Variants in MS4A4E observed in about 807,000 individuals in gnomAD.
The protein encoded by MS4A4E is membrane spanning 4-domains A4E, also known as putative membrane-spanning 4-domains subfamily A member 4E.
Under a neutral mutation model 13.3 loss-of-function variants are expected in MS4A4E, and 23 were observed. That is an observed-to-expected ratio of 1.73 (90% CI 1.25 to 2.45). The LOEUF (loss-of-function observed/expected upper bound fraction) is 2.45, where lower values mean the gene tolerates loss of function less well. Among genes scored for constraint, MS4A4E ranks in the 30% most tolerant of loss-of-function variants. The pLI, the probability that MS4A4E is intolerant of heterozygous loss-of-function variation, is 0.00. For missense variants in MS4A4E, 144 were observed against 131.2 expected (o/e 1.10, Z -0.48); for synonymous variants, 36 against 45.6 (o/e 0.79, Z 0.85).
At chr11:60,217,612 T>C (rs1004575391) in intron 3 of MS4A4E, among the ~76,000 whole-genome samples, 1 of 152,190 alleles carries the variant, frequency 6.6e-6, no homozygotes, top group African/African-American at 2.4e-5. Context: ...ATGTGGATTG[T>C]GAAGATTTCA....
At chr11:60,229,586 G>T (rs1051546943) in intron 2 of MS4A4E, among the ~76,000 whole-genome samples, 3 of 152,176 alleles carry the variant, frequency 2.0e-5, no homozygotes, top group Non-Finnish European at 4.4e-5. Context: ...TGTCAGGAAG[G>T]CCTGTGGAGG....
intron 3 of MS4A4E, among the ~76,000 whole-genome samples, chr11:60,227,197 C>T (rs2084354329): frequency 6.6e-6 from 1 of 152,150 alleles, no homozygotes; most frequent in African/African-American, 2.4e-5. Flanking sequence ...GAAGACTCAA[C>T]ATTGTCAAGA....
chr11:60,239,570 C>A (rs976572197), intron 1 of MS4A4E, among the ~76,000 whole-genome samples: 1 of 152,116 alleles, frequency 6.6e-6, no homozygotes, highest in African/African-American at 2.4e-5. Flanking sequence ...GTTGACTCTT[C>A]CTCTCTTTTG....
rs1480495914 is a variant in MS4A4E at position 60,208,551 on chromosome 11, C to A, written c.483+42G>T. ...TTGTTTAACTGATTATACAGCAATA[C>A]AAAAGTAATACAGATACCTTCAAAT... On this transcript the variant is annotated intron_variant, in intron 6 of 8. Transcript: ENST00000651255. The A allele has an allele frequency of 5.4e-6, 4 of 743,114 alleles. 1 individual carries two copies. The highest frequency in any genetic ancestry group is 4.5e-6 in the Non-Finnish European group (2 of 445,386). 46.0% of individuals were successfully genotyped at this position (743,114 alleles called of 1,614,324 possible).
intron 8 of MS4A4E, among the ~76,000 whole-genome samples, chr11:60,203,521 G>A (rs554503458): frequency 6.6e-6 from 1 of 152,084 alleles, no homozygotes; most frequent in African/African-American, 2.4e-5. Flanking sequence ...GGCCAAAGTG[G>A]GTGGATCGCC....
chr11:60,228,533 T>A (rs1475650931), intron 3 of MS4A4E, 61 bp downstream of exon 3: 1 of 641,862 alleles, frequency 1.6e-6, no homozygotes, highest in East Asian at 2.8e-5. Context: ...GGGAAGACAG[T>A]TTGGCAGTTT....
chr11:60,215,887 A>T (rs2084185602), intron 3 of MS4A4E, among the ~76,000 whole-genome samples: 1 of 152,180 alleles, frequency 6.6e-6, no homozygotes, highest in Non-Finnish European at 1.5e-5. Context: ...AACATATTAG[A>T]AGTGTGTATG....
At chr11:60,228,671 G>C (rs1241724659) in intron 2 of MS4A4E, 44 bp from the exon 3 acceptor site, 1 of 691,470 alleles carries the variant, frequency 1.4e-6, no homozygotes, top group Non-Finnish European at 2.6e-6. Flanking sequence ...AATTGCCAAA[G>C]TTTGGAAGCC....
chr11:60,221,411 C>T (rs764365304), intron 3 of MS4A4E, among the ~76,000 whole-genome samples: 68 of 152,100 alleles, frequency 4.5e-4, no homozygotes, highest in Non-Finnish European at 8.7e-4. Flanking sequence ...TTCTCTCCCC[C>T]AGCCTGCACT....
chr11:60,213,629 C>T (rs968530137), intron 4 of MS4A4E, among the ~76,000 whole-genome samples: 6 of 152,184 alleles, frequency 3.9e-5, no homozygotes, highest in South Asian at 2.1e-4. Flanking sequence ...CTGCAGGTCC[C>T]GGCAGACACT....
chr11:60,205,277 G>C (rs528326290), intron 7 of MS4A4E, among the ~76,000 whole-genome samples: 2 of 152,200 alleles, frequency 1.3e-5, no homozygotes, highest in Admixed American at 1.3e-4. Flanking sequence ...TGTTTTGATT[G>C]TTTTATGTTA....
intron 3 of MS4A4E, chr11:60,224,922 C>A: frequency 7.0e-7 from 1 of 1,432,492 alleles, no homozygotes; most frequent in South Asian, 1.5e-5. Context: ...ATTTACACCT[C>A]TATTATGTTA....
chr11:60,232,321 A>ACACACACACG (rs556719466), intron 1 of MS4A4E, among the ~76,000 whole-genome samples: 1 of 147,324 alleles, frequency 6.8e-6, no homozygotes, highest in African/African-American at 2.5e-5. Context: ...ACACACACAC[A>ACACACACACG]CCAAAAATGA....
At chr11:60,239,510 G>A (rs893545835) in intron 1 of MS4A4E, among the ~76,000 whole-genome samples, 1 of 152,120 alleles carries the variant, frequency 6.6e-6, no homozygotes, top group South Asian at 2.1e-4. Context: ...GAAAGGAGGG[G>A]TCTATATAAC....
At chr11:60,218,442 T>C (rs2084225003) in intron 3 of MS4A4E, among the ~76,000 whole-genome samples, 1 of 152,196 alleles carries the variant, frequency 6.6e-6, no homozygotes, top group South Asian at 2.1e-4. Context: ...AAAAACTTAC[T>C]GGTTTTTGCA....
intron 3 of MS4A4E, among the ~76,000 whole-genome samples, chr11:60,228,172 G>A (rs1029121938): frequency 2.0e-5 from 3 of 152,126 alleles, no homozygotes; most frequent in African/African-American, 4.8e-5. Context: ...CAGACTGACA[G>A]AAGGTATTTG....
chr11:60,217,264 C>A (rs2134937571), intron 3 of MS4A4E, among the ~76,000 whole-genome samples: 1 of 152,260 alleles, frequency 6.6e-6, no homozygotes, highest in Non-Finnish European at 1.5e-5. Context: ...TGACCTGCAA[C>A]AAAAGGTGCA....
intron 3 of MS4A4E, among the ~76,000 whole-genome samples, chr11:60,225,431 A>T (rs1353654799): frequency 6.6e-6 from 1 of 152,196 alleles, no homozygotes; most frequent in African/African-American, 2.4e-5. Context: ...GGAATTAGAA[A>T]GCAATTATTG....
At chr11:60,232,700 C>T (rs1025596526) in intron 1 of MS4A4E, among the ~76,000 whole-genome samples, 15 of 152,252 alleles carry the variant, frequency 9.9e-5, no homozygotes, top group Non-Finnish European at 1.5e-4. Context: ...CCCCCATGGC[C>T]TGAGTTGCTA....
Sources: gnomAD v4.1 joint callset for allele counts (sites outside exome capture counted in the v4.1 genomes callset) on GRCh38, gnomAD v4.1.1 for gene constraint, MANE v1.5 for transcripts, NCBI Gene and HGNC (gene_info 2026-07-23, HGNC 2026-07-21) for gene names.